The following FAT3 variants were observed in gnomAD, a reference collection of about 807,000 sequenced individuals.
The protein encoded by FAT3 is FAT atypical cadherin 3, also known as protocadherin Fat 3.
In FAT3, 95 loss-of-function variants were observed where a neutral mutation model predicts 310.2. That is an observed-to-expected ratio of 0.31 (90% CI 0.26 to 0.36). The LOEUF is 0.36. FAT3 is among the 10% of genes least tolerant of loss of function. The pLI is 1.00. For synonymous variants in FAT3, 2,314 were observed against 2,192.9 expected, an observed-to-expected ratio of 1.06 and a Z score of -1.54; for missense variants, 5,408 against 5,715.6, an observed-to-expected ratio of 0.95 and a Z score of 1.74.
intron 1 of FAT3, among the ~76,000 whole-genome samples, chr11:92,237,187 AAGTAATTGAG>A (rs940898886): frequency 9.8e-5 from 15 of 152,294 alleles, no homozygotes; most frequent in Admixed American, 5.9e-4. Flanking sequence ...AATAGTGGGA[AAGTAATTGAG>A]AGTAATTAAA....
At chr11:92,671,587 C>A (rs1286302157) in intron 3 of FAT3, among the ~76,000 whole-genome samples, 4 of 152,018 alleles carry the variant, frequency 2.6e-5, no homozygotes, top group Non-Finnish European at 4.4e-5. Context: ...TAAGTTTGGT[C>A]CTCTCATCCT....
At chr11:92,885,363 T>C (rs1949772519) in intron 24 of FAT3, among the ~76,000 whole-genome samples, 1 of 152,090 alleles carries the variant, frequency 6.6e-6, no homozygotes, top group Non-Finnish European at 1.5e-5. Context: ...GGCACCTAAC[T>C]AGCAAAAGGA....
rs371269485 is a variant in FAT3 at position 92,798,947 on chromosome 11, C to T, written c.5934C>T (p.Ser1978=). 83 of 1,613,918 alleles carry T rather than the reference C, an allele frequency of 5.1e-5. No homozygotes were observed. The highest frequency in any genetic ancestry group is 5.0e-4 in the Middle Eastern group (3 of 6,060). The part of the protein sequence containing the change: ...VTIMVKEAMD[S]GLHFTQSFYS... ...TCATGGTTAAAGAAGCCATGGACAGCGGCCTCCACTTTACACAAAGCTTCT... is the reference window on the plus strand; with the variant it reads ...TCATGGTTAAAGAAGCCATGGACAGTGGCCTCCACTTTACACAAAGCTTCT... Residue 1978 remains serine (S), a synonymous_variant, in exon 10 of 28, where the codon AGC becomes AGT. Coordinates refer to ENST00000525166, the MANE Select transcript of FAT3 (RefSeq NM_001367949.2).
intron 2 of FAT3, among the ~76,000 whole-genome samples, chr11:92,446,557 A>G (rs1951213927): frequency 6.6e-6 from 1 of 152,214 alleles, no homozygotes; most frequent in South Asian, 2.1e-4. Flanking sequence ...ATAAAAAAAA[A>G]AAATCAAAAC....
In FAT3 at chr11:92,524,834, G is replaced by C. The variant is rs376615292; in HGVS notation, c.3493G>C (p.Val1165Leu). Residue 1165 changes from valine (V) to leucine (L), a missense_variant, in exon 3 of 28, where the codon GTA becomes CTA. This residue lies in a region of FAT3 where 4,588 missense variants were observed against 4,809.8 expected (regional missense o/e 0.95). Transcript: ENST00000525166. ...TGTCATGGAAAACTCTCCAAAGGAC[G>C]TATCTGTCATTCAGATCCAGGCTGA... Reference protein sequence around the residue: ...PVVMENSPKDVSVIQIQAEDP... With the variant: ...PVVMENSPKDLSVIQIQAEDP... 6.2e-7 allele frequency: 1 copy of C among 1,613,682 alleles called. No individual in the cohort carries two copies. The highest frequency in any genetic ancestry group is 1.7e-5 in the Admixed American group (1 of 59,958).
intron 1 of FAT3, among the ~76,000 whole-genome samples, chr11:92,340,932 A>T (rs1257946461): frequency 6.6e-6 from 1 of 152,048 alleles, no homozygotes; most frequent in Admixed American, 6.6e-5. Flanking sequence ...ATTTGCGGAG[A>T]TCCGGAAGAC....
At chr11:92,767,173 C>T (rs138670563) in intron 6 of FAT3, among the ~76,000 whole-genome samples, 13 of 150,186 alleles carry the variant, frequency 8.7e-5, no homozygotes, top group African/African-American at 2.9e-4. Context: ...TGCTTGAACC[C>T]GGGAGGTGGA....
chr11:92,616,804 C>G (rs1291441554), intron 3 of FAT3, among the ~76,000 whole-genome samples: 1 of 152,132 alleles, frequency 6.6e-6, no homozygotes, highest in Non-Finnish European at 1.5e-5. Flanking sequence ...AATATTGGGC[C>G]TCACTCTCTA....
chr11:92,734,277 C>T (rs1251933081), intron 4 of FAT3, among the ~76,000 whole-genome samples: 1 of 152,134 alleles, frequency 6.6e-6, no homozygotes, highest in East Asian at 1.9e-4. Context: ...CAGTGCGATA[C>T]CACATGTTTG....
intron 3 of FAT3, among the ~76,000 whole-genome samples, chr11:92,594,457 A>T (rs1939601592): frequency 6.6e-6 from 1 of 152,194 alleles, no homozygotes; most frequent in South Asian, 2.1e-4. Flanking sequence ...AAAAACAAAG[A>T]GAAGAACTTG....
chr11:92,677,338 G>A (rs905808005), intron 3 of FAT3, among the ~76,000 whole-genome samples: 4 of 152,146 alleles, frequency 2.6e-5, no homozygotes, highest in Admixed American at 6.5e-5. Context: ...AGAGATCCTT[G>A]CCCGGAGGAG....
At chr11:92,372,862 G>T (rs1019817583) in intron 2 of FAT3, among the ~76,000 whole-genome samples, 6 of 151,948 alleles carry the variant, frequency 3.9e-5, no homozygotes, top group Admixed American at 1.3e-4. Context: ...GGATTTCATC[G>T]TGTTAGCCAG....
At chr11:92,385,775 T>A (rs1418722973) in intron 2 of FAT3, among the ~76,000 whole-genome samples, 1 of 152,226 alleles carries the variant, frequency 6.6e-6, no homozygotes, top group East Asian at 1.9e-4. Flanking sequence ...GCCAGTTTTT[T>A]ACCTCTTATA....
chr11:92,449,476 A>G (rs1409527602), intron 2 of FAT3, among the ~76,000 whole-genome samples: 1 of 152,132 alleles, frequency 6.6e-6, no homozygotes, highest in Non-Finnish European at 1.5e-5. Context: ...ATACCTGGTT[A>G]TTCTTCCCAA....
chr11:92,466,893 C>G (rs1325158015), intron 2 of FAT3, among the ~76,000 whole-genome samples: 4 of 151,742 alleles, frequency 2.6e-5, no homozygotes, highest in African/African-American at 7.3e-5. Flanking sequence ...TCATCCATGT[C>G]CCTACAAAGG....
intron 3 of FAT3, among the ~76,000 whole-genome samples, chr11:92,627,160 A>G (rs1434396773): frequency 6.6e-6 from 1 of 152,110 alleles, no homozygotes; most frequent in Non-Finnish European, 1.5e-5. Flanking sequence ...TATGTGTGTA[A>G]CTCATGTTAA....
At chr11:92,727,681 G>A (rs749889774) in intron 4 of FAT3, among the ~76,000 whole-genome samples, 2 of 152,112 alleles carry the variant, frequency 1.3e-5, no homozygotes, top group Non-Finnish European at 2.9e-5. Flanking sequence ...GCAGTGACTG[G>A]CATCCATTAA....
intron 1 of FAT3, among the ~76,000 whole-genome samples, chr11:92,322,254 G>T (rs904767028): frequency 2.6e-5 from 4 of 152,066 alleles, no homozygotes; most frequent in Non-Finnish European, 5.9e-5. Context: ...AACCTATTAA[G>T]AATACAATAA....
At chr11:92,595,542 G>A (rs761840416) in intron 3 of FAT3, among the ~76,000 whole-genome samples, 14 of 152,168 alleles carry the variant, frequency 9.2e-5, no homozygotes, top group Non-Finnish European at 1.8e-4. Flanking sequence ...TTCCCCACTT[G>A]TTGAATTTGG....
Sources: gnomAD v4.1 joint callset for allele counts (sites outside exome capture counted in the v4.1 genomes callset) on GRCh38, gnomAD v4.1.1 for gene constraint, gnomAD v4.1.1 regional missense constraint, MANE v1.5 for transcripts, NCBI Gene and HGNC (gene_info 2026-07-23, HGNC 2026-07-21) for gene names.